Variants in ROBO2 observed in about 807,000 individuals in gnomAD.
The protein encoded by ROBO2 is roundabout homolog 2.
Under a neutral mutation model 160.8 loss-of-function variants are expected in ROBO2, and 53 were observed. That is an observed-to-expected ratio of 0.33 (90% CI 0.26 to 0.41). The LOEUF is 0.41. Ranked by LOEUF, ROBO2 falls within the 10% of genes least tolerant of loss-of-function variation. ROBO2 has a pLI of 1.00. For missense variants in ROBO2, 1,577 were observed against 1,722.4 expected, an observed-to-expected ratio of 0.92 and a Z score of 1.49; for synonymous variants, 664 against 611.7, an observed-to-expected ratio of 1.09 and a Z score of -1.26.
At chr3:77,102,598 C>T (rs1168653295) in intron 2 of ROBO2, among the ~76,000 whole-genome samples, 3 of 151,904 alleles carry the variant, frequency 2.0e-5, no homozygotes, top group Admixed American at 1.3e-4. Flanking sequence ...CATTAGTTGT[C>T]ATTTTTAATT....
intron 2 of ROBO2, among the ~76,000 whole-genome samples, chr3:76,854,063 TCTC>T: frequency 1.2e-5 from 1 of 84,058 alleles, no homozygotes; most frequent in African/African-American, 4.2e-5. Flanking sequence ...TCTCTCTCTC[TCTC>T]TTTCTCTGTC....
chr3:76,870,455 A>C (rs1345000590), intron 2 of ROBO2, among the ~76,000 whole-genome samples: 1 of 152,186 alleles, frequency 6.6e-6, no homozygotes, highest in Admixed American at 6.5e-5. Context: ...GTTATTTAAA[A>C]ACATGTGTTC....
chr3:76,066,572 C>G (rs1482165666), intron 2 of ROBO2, among the ~76,000 whole-genome samples: 2 of 151,522 alleles, frequency 1.3e-5, no homozygotes, highest in Non-Finnish European at 2.9e-5. Flanking sequence ...TAAGAGAAAA[C>G]TTTATTTTAA....
chr3:76,745,968 T>C (rs2093882370), intron 2 of ROBO2, among the ~76,000 whole-genome samples: 2 of 141,844 alleles, frequency 1.4e-5, no homozygotes, highest in Admixed American at 1.4e-4. Context: ...TATCTCCTAA[T>C]GCTATCCCTC....
intron 2 of ROBO2, among the ~76,000 whole-genome samples, chr3:76,418,227 CAAAT>C (rs71763600): frequency 0.084 from 12,657 of 150,920 alleles, 840 homozygotes; most frequent in African/African-American, 0.18. Flanking sequence ...TGTCGCCAAA[CAAAT>C]AGAGAGAGAG....
Position 76,694,709 on chromosome 3 carries a change from T to C in ROBO2, c.110-403305T>C, listed in dbSNP as rs976472020. ...ACATAAACTTCTAATATATGCAAAG[T>C]ATATGGTGCTATGGGAAATCACCCT... On this transcript the variant is annotated intron_variant, in intron 2 of 26. Transcript: ENST00000487694. 3.2e-4 allele frequency among the ~76,000 whole-genome samples: 48 copies of C among 152,218 alleles called. 1 individual carries two copies. Among genetic ancestry groups the C allele is most frequent in the Non-Finnish European group, 5.1e-4 (35 of 68,044 alleles).
intron 2 of ROBO2, among the ~76,000 whole-genome samples, chr3:76,127,592 G>GA (rs140905293): frequency 2.9e-4 from 37 of 126,572 alleles, no homozygotes; most frequent in Non-Finnish European, 3.8e-4. Context: ...TATATGGTTT[G>GA]AAAAAATATA....
intron 2 of ROBO2, among the ~76,000 whole-genome samples, chr3:76,833,371 C>T (rs2067251802): frequency 6.6e-6 from 1 of 152,094 alleles, no homozygotes. Flanking sequence ...ATATGATTAC[C>T]ACAAGGTGTC....
At chr3:76,626,313 G>A (rs140433218) in intron 2 of ROBO2, among the ~76,000 whole-genome samples, 7 of 152,176 alleles carry the variant, frequency 4.6e-5, no homozygotes, top group South Asian at 2.1e-4. Flanking sequence ...AGTGGTGTGC[G>A]GTAGAGATAT....
chr3:77,179,768 T>C (rs767687677), intron 2 of ROBO2, among the ~76,000 whole-genome samples: 2 of 152,088 alleles, frequency 1.3e-5, no homozygotes, highest in East Asian at 1.9e-4. Flanking sequence ...GAAACAAAGA[T>C]TGGCCTTTAT....
intron 2 of ROBO2, among the ~76,000 whole-genome samples, chr3:76,339,016 G>T (rs2074058305): frequency 6.6e-6 from 1 of 151,962 alleles, no homozygotes; most frequent in African/African-American, 2.4e-5. Flanking sequence ...ATGTCTAAAA[G>T]CAAATTTTGC....
In ROBO2 at chr3:76,598,769, A is replaced by G. The variant is rs9849558; in HGVS notation, c.110-499245A>G. ...AGATGGGGAAAAAGCTGAGGGGTGA[A>G]AAAAAGTATAAATTATCATATCTAA... On this transcript the variant is annotated intron_variant, in intron 2 of 26. Coordinates refer to the ROBO2 transcript ENST00000487694. Among the ~76,000 whole-genome samples the G allele has an allele frequency of 2.4e-3, 368 of 152,276 alleles. 2 individuals carry two copies. Among genetic ancestry groups the G allele is most frequent in the African/African-American group, 6.9e-3 (285 of 41,574 alleles).
chr3:77,117,189 G>A (rs2074293876), intron 2 of ROBO2, among the ~76,000 whole-genome samples: 1 of 152,056 alleles, frequency 6.6e-6, no homozygotes, highest in Admixed American at 6.6e-5. Context: ...TTTTGGATTT[G>A]ATGAAATAGT....
At chr3:77,501,221 C>T (rs889866825) in intron 5 of ROBO2, among the ~76,000 whole-genome samples, 3 of 152,198 alleles carry the variant, frequency 2.0e-5, no homozygotes, top group East Asian at 1.9e-4. Context: ...TCTCATATCC[C>T]GCCATATCAC....
intron 17 of ROBO2, among the ~76,000 whole-genome samples, chr3:77,592,486 T>C (rs765576988): frequency 6.6e-6 from 1 of 152,112 alleles, no homozygotes; most frequent in Non-Finnish European, 1.5e-5. Context: ...ATACATACTA[T>C]AGTGTTCATA....
intron 2 of ROBO2, among the ~76,000 whole-genome samples, chr3:77,252,764 C>T (rs551198151): frequency 2.8e-4 from 37 of 132,444 alleles, no homozygotes; most frequent in African/African-American, 1.0e-3. Flanking sequence ...GCCGAGATCG[C>T]GCCCCTGCAC....
In ROBO2 at chr3:76,024,507, T is replaced by C. The variant is rs145110328; in HGVS notation, c.109+86905T>C. On this transcript the variant is annotated intron_variant, in intron 2 of 26. Coordinates refer to the ROBO2 transcript ENST00000487694. ...CAAATACTTAGTTTAGTGTTACCTGTGGTTTACCTGCTAATTTAAAAAGAT... is the reference window on the plus strand; with the variant it reads ...CAAATACTTAGTTTAGTGTTACCTGCGGTTTACCTGCTAATTTAAAAAGAT... 5.6e-3 allele frequency among the ~76,000 whole-genome samples: 855 copies of C among 151,746 alleles called. 34 individuals are homozygous for C. Among genetic ancestry groups the C allele is most frequent in the Admixed American group, 0.046 (697 of 15,194 alleles).
chr3:77,055,013 C>T (rs1049660313), intron 1 of ROBO2, among the ~76,000 whole-genome samples: 2 of 151,268 alleles, frequency 1.3e-5, no homozygotes, highest in Admixed American at 6.6e-5. Context: ...ATAATAAAGT[C>T]CCTACATGTT....
At chr3:77,380,938 C>T (rs1267482564) in intron 2 of ROBO2, among the ~76,000 whole-genome samples, 1 of 152,030 alleles carries the variant, frequency 6.6e-6, no homozygotes, top group Non-Finnish European at 1.5e-5. Flanking sequence ...CTCTTTCTCC[C>T]CGTGAAACTG....
Sources: allele counts gnomAD v4.1 joint callset (sites outside exome capture counted in the v4.1 genomes callset), GRCh38; gene constraint gnomAD v4.1.1; transcripts MANE v1.5; gene names NCBI Gene and HGNC (gene_info 2026-07-23, HGNC 2026-07-21).